Variants in SYTL2 observed in about 807,000 individuals in gnomAD.
SYTL2 encodes the protein synaptotagmin-like protein 2.
SYTL2 carries 165 observed loss-of-function variants against 198.7 expected under a neutral mutation model. The ratio of observed to expected loss-of-function variants is 0.83; its 90% CI spans 0.73 to 0.94. The LOEUF (loss-of-function observed/expected upper bound fraction) is 0.94, where lower values mean the gene tolerates loss of function less well. Ranked by LOEUF, SYTL2 falls within the 40% of genes least tolerant of loss-of-function variation. The pLI, the probability that SYTL2 is intolerant of heterozygous loss-of-function variation, is 0.00. For synonymous variants in SYTL2, 966 were observed against 917.7 expected (o/e 1.05, Z -0.95); for missense variants, 2,835 against 2,582.8 (o/e 1.10, Z -2.12).
chr11:85,747,949 T>C (rs1299782771), intron 3 of SYTL2, among the ~76,000 whole-genome samples: 1 of 152,204 alleles, frequency 6.6e-6, no homozygotes, highest in African/African-American at 2.4e-5. Context: ...CCCTTCATTT[T>C]ACTCAGAAGA....
the SYTL2 span, among the ~76,000 whole-genome samples, chr11:85,845,073 A>T: frequency 6.6e-6 from 1 of 152,110 alleles, no homozygotes; most frequent in African/African-American, 2.4e-5. Flanking sequence ...CTTCCTGCAC[A>T]TTGTCAAGTT....
intron 2 of SYTL2, among the ~76,000 whole-genome samples, chr11:85,754,803 C>T (rs936771247): frequency 2.0e-5 from 3 of 152,180 alleles, no homozygotes; most frequent in Admixed American, 6.5e-5. Flanking sequence ...GTTTCATCTC[C>T]GGTTCCAAGC....
At chr11:85,768,773 G>A (rs1483002868) in intron 1 of SYTL2, among the ~76,000 whole-genome samples, 1 of 152,130 alleles carries the variant, frequency 6.6e-6, no homozygotes, top group Non-Finnish European at 1.5e-5. Context: ...AATTTGAGAT[G>A]GGGTATTGGT....
At chr11:85,764,541 G>T (rs1278385035) in intron 1 of SYTL2, among the ~76,000 whole-genome samples, 1 of 152,168 alleles carries the variant, frequency 6.6e-6, no homozygotes, top group Non-Finnish European at 1.5e-5. Context: ...TCACACAGCT[G>T]GTTAGGGGCA....
chr11:85,710,395 G>A (rs936801289), intron 13 of SYTL2, among the ~76,000 whole-genome samples: 1 of 152,106 alleles, frequency 6.6e-6, no homozygotes, highest in African/African-American at 2.4e-5. Context: ...TTTAAAAAAG[G>A]TTTCAGAAAC....
rs1485283949 is a variant in SYTL2, at chr11:85,697,987, A to C, written c.6360T>G (p.Phe2120Leu). The C allele has an allele frequency of 9.9e-6, 16 of 1,609,690 alleles. No homozygotes were observed. Among genetic ancestry groups the C allele is most frequent in the Non-Finnish European group, 1.4e-5 (16 of 1,176,122 alleles). Reference protein sequence around the residue: ...PLLRGSHLNSFVKCTILPDTS... With the variant: ...PLLRGSHLNSLVKCTILPDTS... ...GTCATCAATACTATTACCATTTAAC[A>C]AAAGAATTTAGATGACTTCCCCTTA... is the stretch of plus-strand genomic sequence containing the variant. The change falls in exon 18 of 20, where the codon TTT (phenylalanine) becomes TTG (leucine). Residue 2120 changes from phenylalanine (F) to leucine (L), a missense_variant. Transcript: ENST00000359152.
intron 1 of SYTL2, among the ~76,000 whole-genome samples, chr11:85,785,270 A>T (rs1182944549): frequency 2.0e-5 from 3 of 152,214 alleles, no homozygotes; most frequent in East Asian, 3.8e-4. Flanking sequence ...AAATGAAAAG[A>T]CATTAACTAA....
chr11:85,833,733 T>C, the SYTL2 span, among the ~76,000 whole-genome samples: 4 of 148,652 alleles, frequency 2.7e-5, no homozygotes, highest in African/African-American at 7.4e-5. Flanking sequence ...AGATTTCTTT[T>C]TTTTTTTTTT....
intron 1 of SYTL2, among the ~76,000 whole-genome samples, chr11:85,803,899 G>A (rs1013526761): frequency 2.6e-5 from 4 of 152,212 alleles, no homozygotes; most frequent in Non-Finnish European, 5.9e-5. Flanking sequence ...CAAAGGGACT[G>A]ACACAGAGTA....
At chr11:85,828,488 T>C in the SYTL2 span, among the ~76,000 whole-genome samples, 1 of 152,210 alleles carries the variant, frequency 6.6e-6, no homozygotes, top group East Asian at 1.9e-4. Context: ...AGGAAAATTA[T>C]ATTTGCATCC....
intron 1 of SYTL2, among the ~76,000 whole-genome samples, chr11:85,790,811 A>C (rs2092717473): frequency 6.6e-6 from 1 of 152,190 alleles, no homozygotes; most frequent in South Asian, 2.1e-4. Context: ...TAATGTGAAG[A>C]GATGAAATGC....
the SYTL2 span, among the ~76,000 whole-genome samples, chr11:85,818,696 T>C: frequency 2.3e-4 from 33 of 144,418 alleles, no homozygotes; most frequent in East Asian, 2.0e-4. Flanking sequence ...TATCTACCTA[T>C]CTATTTATTT....
At chr11:85,802,980 A>C (rs1231753337) in intron 1 of SYTL2, among the ~76,000 whole-genome samples, 1 of 152,194 alleles carries the variant, frequency 6.6e-6, no homozygotes, top group Non-Finnish European at 1.5e-5. Flanking sequence ...GACACTAGCC[A>C]GAAACATCTT....
chr11:85,833,048 A>C, the SYTL2 span, among the ~76,000 whole-genome samples: 2 of 30,472 alleles, frequency 6.6e-5, no homozygotes, highest in African/African-American at 1.2e-4. Flanking sequence ...AGAAAGAAAG[A>C]AAGAAAGAAA....
rs182671404 is a variant in SYTL2, at chr11:85,781,336, C to T, written c.-389-23222G>A. On this transcript the variant is annotated intron_variant, in intron 1 of 19. Transcript: ENST00000359152. ...ACAGCGGCATGGGGGTAATCACCCC[C>T]ATGATTCAATTACCTCCCACCAAGT... Among the ~76,000 whole-genome samples, 490 of 152,196 alleles carry T rather than the reference C, an allele frequency of 3.2e-3. 2 individuals are homozygous for T. Among genetic ancestry groups the T allele is most frequent in the Non-Finnish European group, 4.7e-3 (323 of 68,006 alleles).
At chr11:85,793,713 A>G (rs1053433366) in intron 1 of SYTL2, among the ~76,000 whole-genome samples, 4 of 152,224 alleles carry the variant, frequency 2.6e-5, no homozygotes, top group African/African-American at 9.6e-5. Context: ...ACAAAGAAAT[A>G]GGCATATCCA....
intron 11 of SYTL2, chr11:85,716,591 T>C (rs1363209633): frequency 1.3e-5 from 2 of 152,068 alleles, no homozygotes; most frequent in Non-Finnish European, 2.9e-5. Context: ...GAAATTATTA[T>C]TTAAAATATT....
rs896277751 is a variant in SYTL2, at chr11:85,736,370, G to C, written c.586+131C>G. Reference sequence around the variant, plus strand: ...CTCAGGAAGGAAACCAACAAGCACCGTAAAATAAGAAAACCATCAGGACTT... The same window carrying C: ...CTCAGGAAGGAAACCAACAAGCACCCTAAAATAAGAAAACCATCAGGACTT... On this transcript the variant is annotated intron_variant, in intron 6 of 19. Transcript: ENST00000359152. 1.2e-5 allele frequency: 7 copies of C among 562,098 alleles called. No individual in the cohort carries two copies. In the South Asian group the frequency reaches 1.6e-4, roughly 13 times the overall value. The allele number at this position is 562,098 out of a possible 1,614,324, so 34.8% of individuals were successfully genotyped here. A position where few individuals can be genotyped will look rare whatever the true frequency, so the allele number is the denominator to read the frequency against.
intron 1 of SYTL2, among the ~76,000 whole-genome samples, chr11:85,759,240 C>A: frequency 7.3e-6 from 1 of 137,736 alleles, no homozygotes; most frequent in African/African-American, 2.8e-5. Context: ...AGTGAGACTC[C>A]TTATCAAAAA....
Sources: gnomAD v4.1 joint callset for allele counts (sites outside exome capture counted in the v4.1 genomes callset) on GRCh38, gnomAD v4.1.1 for gene constraint, MANE v1.5 for transcripts, NCBI Gene and HGNC (gene_info 2026-07-23, HGNC 2026-07-21) for gene names.